RNLS: variants seen among roughly 807,000 people sequenced by gnomAD.
The protein encoded by RNLS is renalase.
Under a neutral mutation model 39.8 loss-of-function variants are expected in RNLS, and 39 were observed. That is an observed-to-expected ratio of 0.98 (90% CI 0.76 to 1.28). The LOEUF (loss-of-function observed/expected upper bound fraction) is 1.28. Among genes scored for constraint, RNLS ranks in the 50% most tolerant of loss-of-function variants. The pLI is 0.00. For synonymous variants in RNLS, 147 were observed against 150.7 expected (o/e 0.98, Z 0.18); for missense variants, 410 against 413.3 (o/e 0.99, Z 0.07).
chr10:88,289,291 C>T (rs898034380), intron 6 of RNLS, among the ~76,000 whole-genome samples: 5 of 152,122 alleles, frequency 3.3e-5, no homozygotes, highest in African/African-American at 9.7e-5. Flanking sequence ...TCACCTCGTG[C>T]CACTTCTCTC....
At chr10:88,443,896 C>A (rs1489444122) in intron 4 of RNLS, among the ~76,000 whole-genome samples, 1 of 152,248 alleles carries the variant, frequency 6.6e-6, no homozygotes, top group African/African-American at 2.4e-5. Context: ...CCTCTCGGGG[C>A]AGGGCATAGC....
the RNLS span, among the ~76,000 whole-genome samples, chr10:88,199,291 C>T: frequency 6.6e-6 from 1 of 152,188 alleles, no homozygotes; most frequent in Admixed American, 6.5e-5. Context: ...CTAGAGGCTG[C>T]CTTCTTTGGG....
chr10:88,279,309 A>C (rs1031812532), downstream of RNLS, among the ~76,000 whole-genome samples: 1 of 152,184 alleles, frequency 6.6e-6, no homozygotes, highest in Non-Finnish European at 1.5e-5. Context: ...TTCCTAAATC[A>C]TATTTTACTA....
chr10:88,535,300 A>G (rs1847682967), intron 4 of RNLS, among the ~76,000 whole-genome samples: 1 of 152,112 alleles, frequency 6.6e-6, no homozygotes, highest in South Asian at 2.1e-4. Flanking sequence ...TGGTGAGAGG[A>G]GGGTAGTGAA....
At chr10:88,205,538 G>T in the RNLS span, among the ~76,000 whole-genome samples, 1 of 152,034 alleles carries the variant, frequency 6.6e-6, no homozygotes, top group Non-Finnish European at 1.5e-5. Flanking sequence ...AGAATCAGTC[G>T]CTTCACTTTG....
chr10:88,177,147 C>T, the RNLS span, among the ~76,000 whole-genome samples: 3 of 152,142 alleles, frequency 2.0e-5, no homozygotes, highest in African/African-American at 7.2e-5. Context: ...GGAAAGTTTT[C>T]AGCTATTATT....
At chr10:88,508,598 G>C (rs537043993) in intron 4 of RNLS, among the ~76,000 whole-genome samples, 1 of 152,194 alleles carries the variant, frequency 6.6e-6, no homozygotes, top group East Asian at 1.9e-4. Flanking sequence ...AGTGGCTGTA[G>C]CAGCCCACAA....
intron 4 of RNLS, among the ~76,000 whole-genome samples, chr10:88,571,593 G>A (rs1480148671): frequency 2.6e-5 from 4 of 152,166 alleles, no homozygotes; most frequent in Admixed American, 2.6e-4. Context: ...TATCAGTAAG[G>A]AAAACTGGCC....
chr10:88,395,014 A>T (rs924882809), intron 4 of RNLS, among the ~76,000 whole-genome samples: 16 of 152,038 alleles, frequency 1.1e-4, no homozygotes, highest in African/African-American at 3.1e-4. Flanking sequence ...GTACACAGGA[A>T]GGGGAACATC....
intron 4 of RNLS, among the ~76,000 whole-genome samples, chr10:88,493,879 C>T (rs531930754): frequency 6.6e-6 from 1 of 152,262 alleles, no homozygotes; most frequent in African/African-American, 2.4e-5. Context: ...TAAAAACATT[C>T]CTGAACAATT....
the RNLS span, among the ~76,000 whole-genome samples, chr10:88,207,986 C>T: frequency 4.1e-4 from 63 of 152,274 alleles, no homozygotes; most frequent in African/African-American, 1.5e-3. Flanking sequence ...AGAGGGTCAT[C>T]GTCTCTTCTC....
intron 5 of RNLS, among the ~76,000 whole-genome samples, chr10:88,322,389 C>A (rs1027709548): frequency 6.6e-6 from 1 of 152,132 alleles, no homozygotes; most frequent in Non-Finnish European, 1.5e-5. Context: ...TGTCCCCAAC[C>A]AAATCTAATC....
intron 4 of RNLS, among the ~76,000 whole-genome samples, chr10:88,412,151 G>A (rs792210): frequency 0.36 from 54,238 of 151,778 alleles, 10,110 homozygotes; most frequent in Admixed American, 0.43. Context: ...TTGAAGGCAG[G>A]GGGGTCAGGT....
intron 4 of RNLS, among the ~76,000 whole-genome samples, chr10:88,511,661 A>G (rs1429577486): frequency 6.6e-6 from 1 of 152,116 alleles, no homozygotes; most frequent in Admixed American, 6.6e-5. Context: ...AAGAGAAGTT[A>G]AGAAGGATGC....
chr10:88,536,230 C>T (rs1356095406), intron 4 of RNLS, among the ~76,000 whole-genome samples: 3 of 152,180 alleles, frequency 2.0e-5, no homozygotes, highest in African/African-American at 7.2e-5. Context: ...TAGTTACAGT[C>T]ATCTTTATGC....
chr10:88,376,197 A>T (rs1346521823), intron 4 of RNLS, among the ~76,000 whole-genome samples: 1 of 152,078 alleles, frequency 6.6e-6, no homozygotes, highest in Non-Finnish European at 1.5e-5. Flanking sequence ...GACTAAAGGG[A>T]GCTCAGAGGA....
Position 88,583,110 on chromosome 10 carries a change from G to A in RNLS, c.81C>T (p.Pro27=). The part of the protein sequence containing the change: ...AALLRRQTSG[P]LYLAVWDKAE... ...CCTTGTCCCACACAGCAAGGTACAAGGGACCGGACGTCTGCCTCCTCAGCA... is the reference window on the plus strand; with the variant it reads ...CCTTGTCCCACACAGCAAGGTACAAAGGACCGGACGTCTGCCTCCTCAGCA... Residue 27 remains proline (P), a synonymous_variant, in exon 1 of 7, where the codon CCC becomes CCT. Transcript: ENST00000331772. 1 of 1,614,140 alleles carries A rather than the reference G, an allele frequency of 6.2e-7. No individual in the cohort carries two copies.
At chr10:88,339,529 C>A (rs1448394196) in intron 5 of RNLS, among the ~76,000 whole-genome samples, 1 of 152,036 alleles carries the variant, frequency 6.6e-6, no homozygotes, top group Non-Finnish European at 1.5e-5. Context: ...CTTTAGTTTT[C>A]TCAACTATAA....
chr10:88,405,780 G>C (rs1853225897), intron 4 of RNLS, among the ~76,000 whole-genome samples: 2 of 151,850 alleles, frequency 1.3e-5, no homozygotes, highest in South Asian at 2.1e-4. Context: ...TTTATTTTTT[G>C]TTCTTGCTTT....
Sources: allele counts gnomAD v4.1 joint callset (sites outside exome capture counted in the v4.1 genomes callset), GRCh38; gene constraint gnomAD v4.1.1; transcripts MANE v1.5; gene names NCBI Gene and HGNC (gene_info 2026-07-23, HGNC 2026-07-21).